The following RNF144B variants were observed in gnomAD, a reference collection of about 807,000 sequenced individuals.
RNF144B encodes ring finger protein 144B.
A neutral mutation model predicts 40.2 loss-of-function variants in RNF144B; 25 were observed. The ratio of observed to expected loss-of-function variants is 0.62; its 90% CI spans 0.45 to 0.87. The LOEUF is 0.87. Ranked by LOEUF, RNF144B falls within the 40% of genes least tolerant of loss-of-function variation. RNF144B has a pLI of 0.00. For synonymous variants in RNF144B, 145 were observed against 136.3 expected (o/e 1.06, Z -0.44); for missense variants, 365 against 373.7 (o/e 0.98, Z 0.19).
intron 1 of RNF144B, 43 bp from the exon 2 acceptor site, chr6:18,399,456 T>G: frequency 1.4e-6 from 2 of 1,385,920 alleles, no homozygotes; most frequent in Non-Finnish European, 2.0e-6. Flanking sequence ...AACAATAGCT[T>G]TATCAATCCA....
At chr6:18,387,993 A>G (rs2113446288) in intron 1 of RNF144B, among the ~76,000 whole-genome samples, 1 of 152,320 alleles carries the variant, frequency 6.6e-6, no homozygotes, top group South Asian at 2.1e-4. Context: ...ATTGCTAATG[A>G]AACAGTGAAA....
At chr6:18,432,349 G>T (rs570027192) in intron 3 of RNF144B, among the ~76,000 whole-genome samples, 1 of 152,320 alleles carries the variant, frequency 6.6e-6, no homozygotes, top group East Asian at 1.9e-4. Flanking sequence ...GGAAGCTGGT[G>T]AGAGACAGTG....
intron 4 of RNF144B, among the ~76,000 whole-genome samples, chr6:18,451,391 AT>A (rs1232170887): frequency 6.6e-6 from 1 of 152,202 alleles, no homozygotes; most frequent in African/African-American, 2.4e-5. Context: ...AATAATCCAA[AT>A]TTAATTGAAG....
intron 7 of RNF144B, 134 bp downstream of exon 7, chr6:18,463,514 G>A (rs1759514162): frequency 1.6e-6 from 1 of 632,702 alleles, no homozygotes; most frequent in African/African-American, 1.8e-5. Flanking sequence ...GAGTGTTAGG[G>A]CAGGGCTAGG....
intron 2 of RNF144B, among the ~76,000 whole-genome samples, chr6:18,420,025 A>T (rs1795224526): frequency 6.6e-6 from 1 of 152,110 alleles, no homozygotes; most frequent in South Asian, 2.1e-4. Context: ...CAGAGGATGG[A>T]TGTGTGTTTG....
chr6:18,393,625 C>T (rs550925881), intron 1 of RNF144B, among the ~76,000 whole-genome samples: 4 of 152,316 alleles, frequency 2.6e-5, no homozygotes, highest in African/African-American at 7.2e-5. Context: ...TGAGTGGAAA[C>T]TGGTTGCCTG....
In RNF144B at chr6:18,458,305, T is replaced by C. The variant is rs13196052; in HGVS notation, c.536+946T>C. On this transcript the variant is annotated intron_variant, in intron 5 of 7. Transcript: ENST00000259939. The surrounding 1 kb of genome is among the most constrained non-coding windows in gnomAD (Gnocchi z 4.8). ...AGACCTCTGTGTTTCATTCCTGCTT[T>C]GCTTGAGGCTATCGTTGTTCTGCAT... 0.074 allele frequency among the ~76,000 whole-genome samples: 11,279 copies of C among 152,224 alleles called. 452 individuals carry two copies. The highest frequency in any genetic ancestry group is 0.094 in the Non-Finnish European group (6,376 of 68,004).
rs1759019236 is a variant in RNF144B at position 18,443,892 on chromosome 6, A to G, written c.331+4148A>G. Among the ~76,000 whole-genome samples, 1 of 152,226 alleles carries G rather than the reference A, an allele frequency of 6.6e-6. No homozygotes were observed. Among genetic ancestry groups the G allele is most frequent in the Non-Finnish European group, 1.5e-5 (1 of 68,040 alleles). Reference sequence around the variant, plus strand: ...TACCCACTAATACTGTAAATGAGTTAAATGACTAACCAACTGAAAGAAAAT... The same window carrying G: ...TACCCACTAATACTGTAAATGAGTTGAATGACTAACCAACTGAAAGAAAAT... On this transcript the variant is annotated intron_variant, in intron 4 of 7. Coordinates refer to ENST00000259939, the MANE Select transcript of RNF144B (RefSeq NM_182757.4). The surrounding 1 kb of genome is among the most constrained non-coding windows in gnomAD (Gnocchi z 4.7).
In RNF144B at chr6:18,446,896, G is replaced by C. The variant is rs1446523191; in HGVS notation, c.331+7152G>C. Among the ~76,000 whole-genome samples, 1 of 150,338 alleles carries C rather than the reference G, an allele frequency of 6.7e-6. No homozygotes were observed. Among genetic ancestry groups the C allele is most frequent in the African/African-American group, 2.5e-5 (1 of 40,272 alleles). On this transcript the variant is annotated intron_variant, in intron 4 of 7. Coordinates refer to ENST00000259939, the MANE Select transcript of RNF144B (RefSeq NM_182757.4). This position sits in a 1 kb window ranked among gnomAD's most constrained non-coding sequence, Gnocchi z 4.7. ...GTGTCTGTGTGTGTGTTGTGTGTTT[G>C]TTGGCTCAACAAATATGTCAGGACA...
chr6:18,465,050 G>A lies in RNF144B; in HGVS notation c.895G>A (p.Asp299Asn), dbSNP rs757977885. The change falls in exon 8 of 8, where the codon GAC becomes AAC. Residue 299 changes from aspartate to asparagine, a missense_variant. Coordinates refer to ENST00000259939, the MANE Select transcript of RNF144B (RefSeq NM_182757.4). ...CTGTCGGGGCAAGAAGAAAAAGCACGACCCATCCACAACCTAAAGATCTCT... is the reference window on the plus strand; with the variant it reads ...CTGTCGGGGCAAGAAGAAAAAGCACAACCCATCCACAACCTAAAGATCTCT... ...KSCRGKKKKHDPSTT is the reference protein window; with the variant it reads ...KSCRGKKKKHNPSTT 9 of 1,613,474 alleles carry A rather than the reference G, an allele frequency of 5.6e-6. No individual in the cohort carries two copies. The highest frequency in any genetic ancestry group is 1.3e-5 in the African/African-American group (1 of 74,860).
chr6:18,399,904 T>C (rs1317764553), intron 2 of RNF144B, among the ~76,000 whole-genome samples: 1 of 152,214 alleles, frequency 6.6e-6, no homozygotes, highest in Non-Finnish European at 1.5e-5. Flanking sequence ...GTATAATTTA[T>C]GTTTGAAATT....
At chr6:18,399,792 G>C (rs985495147) in intron 2 of RNF144B, 93 bp downstream of exon 2, 5 of 1,000,508 alleles carry the variant, frequency 5.0e-6, no homozygotes, top group Non-Finnish European at 7.5e-6. Context: ...AGAAACCAGA[G>C]TGTGCTACAA....
In RNF144B at chr6:18,441,337, G is replaced by C. The variant is rs914881547; in HGVS notation, c.331+1593G>C. Among the ~76,000 whole-genome samples, 2 of 152,180 alleles carry C rather than the reference G, an allele frequency of 1.3e-5. No individual in the cohort carries two copies. Among genetic ancestry groups the C allele is most frequent in the Non-Finnish European group, 2.9e-5 (2 of 68,040 alleles). ...CTTTTACCTGGAGAAAGCCTACAGA[G>C]TTAGGTTGGATTTTCAGGCTGCTGC... On this transcript the variant is annotated intron_variant, in intron 4 of 7. Coordinates refer to ENST00000259939, the MANE Select transcript of RNF144B (RefSeq NM_182757.4). The surrounding 1 kb of genome is among the most constrained non-coding windows in gnomAD (Gnocchi z 4.9).
chr6:18,451,810 TA>T (rs1210769508), intron 4 of RNF144B, among the ~76,000 whole-genome samples: 1 of 152,236 alleles, frequency 6.6e-6, no homozygotes, highest in Non-Finnish European at 1.5e-5. Flanking sequence ...AATAGAATTC[TA>T]AAAGGGATAG....
chr6:18,411,490 TATATA>T (rs1373000536), intron 2 of RNF144B, among the ~76,000 whole-genome samples: 630 of 26,170 alleles, frequency 0.024, 13 homozygotes, highest in Admixed American at 0.028. Flanking sequence ...TATATATATA[TATATA>T]TATTTTTTTT....
In RNF144B at chr6:18,434,895, A is replaced by G. The variant is rs1243318093; in HGVS notation, c.271-4789A>G. Among the ~76,000 whole-genome samples, 1 of 152,208 alleles carries G rather than the reference A, an allele frequency of 6.6e-6. No individual in the cohort carries two copies. Among genetic ancestry groups the G allele is most frequent in the Non-Finnish European group, 1.5e-5 (1 of 68,036 alleles). On this transcript the variant is annotated intron_variant, in intron 3 of 7. Coordinates refer to ENST00000259939, the MANE Select transcript of RNF144B (RefSeq NM_182757.4). This position sits in a 1 kb window ranked among gnomAD's most constrained non-coding sequence, Gnocchi z 4.1. ...CTCGGCCTCCCAAAGTGCTAGGATT[A>G]CAGGCGTAAGCCACCTTGCCTGGCC...
chr6:18,440,400 T>A (rs1363545835), intron 4 of RNF144B, among the ~76,000 whole-genome samples: 1 of 152,192 alleles, frequency 6.6e-6, no homozygotes, highest in Non-Finnish European at 1.5e-5. Flanking sequence ...TATTTCTTAG[T>A]ATCTCAGAAG....
intron 7 of RNF144B, among the ~76,000 whole-genome samples, chr6:18,463,656 C>G (rs1490497019): frequency 6.6e-6 from 1 of 152,234 alleles, no homozygotes; most frequent in East Asian, 1.9e-4. Context: ...ATGTTCTTTC[C>G]TCTTGAGAAA....
chr6:18,443,595 G>A lies in RNF144B; in HGVS notation c.331+3851G>A, dbSNP rs1487262715. ...ATTTTGGAAGGCAATTTGTAATCGT[G>A]TAATTCTTCATTACCATCCGTTATA... is the stretch of plus-strand genomic sequence containing the variant. On this transcript the variant is annotated intron_variant, in intron 4 of 7. Transcript: ENST00000259939. This position sits in a 1 kb window ranked among gnomAD's most constrained non-coding sequence, Gnocchi z 4.7. Among the ~76,000 whole-genome samples the A allele has an allele frequency of 6.6e-6, 1 of 151,764 alleles. No homozygotes were observed. The highest frequency in any genetic ancestry group is 1.5e-5 in the Non-Finnish European group (1 of 67,936).
Sources: gnomAD v4.1 joint callset for allele counts (sites outside exome capture counted in the v4.1 genomes callset) on GRCh38, gnomAD v4.1.1 for gene constraint, Gnocchi (gnomAD v3.1) non-coding constraint, MANE v1.5 for transcripts, NCBI Gene and HGNC (gene_info 2026-07-23, HGNC 2026-07-21) for gene names.